KCNN2: variants seen among roughly 807,000 people sequenced by gnomAD.
The protein encoded by KCNN2 is potassium calcium-activated channel subfamily N member 2, also known as small conductance calcium-activated potassium channel protein 2.
Under a neutral mutation model 55.5 loss-of-function variants are expected in KCNN2, and 24 were observed. The observed-to-expected ratio is 0.43, with a 90% CI of 0.31 to 0.61. The LOEUF is 0.61. Ranked by LOEUF, KCNN2 falls within the 20% of genes least tolerant of loss-of-function variation. The pLI is 0.08. For missense variants in KCNN2, 754 were observed against 853.6 expected, an observed-to-expected ratio of 0.88 and a Z score of 1.45; for synonymous variants, 431 against 336.1, an observed-to-expected ratio of 1.28 and a Z score of -3.09.
chr5:114,487,254 A>C (rs1448593415), intron 6 of KCNN2, 77 bp downstream of exon 6: 1 of 1,325,322 alleles, frequency 7.5e-7, no homozygotes, highest in African/African-American at 1.5e-5. Flanking sequence ...TTCTTGTTTC[A>C]TAAGGAAGGA....
chr5:114,217,730 A>G (rs766175415), intron 1 of KCNN2, among the ~76,000 whole-genome samples: 8 of 152,204 alleles, frequency 5.3e-5, no homozygotes, highest in Non-Finnish European at 1.2e-4. Context: ...GGCGTGATCC[A>G]TGAAAGAAAG....
chr5:114,125,749 T>C (rs1358506382), intron 1 of KCNN2, among the ~76,000 whole-genome samples: 1 of 152,168 alleles, frequency 6.6e-6, no homozygotes, highest in Non-Finnish European at 1.5e-5. Context: ...GGCCTCTCTC[T>C]TTGTCTTGTA....
chr5:114,286,021 G>A (rs1755741400), intron 2 of KCNN2, among the ~76,000 whole-genome samples: 6 of 151,652 alleles, frequency 4.0e-5, no homozygotes, highest in Non-Finnish European at 1.5e-5. Context: ...CTGGGTTCAA[G>A]CGATTATCCT....
At chr5:114,160,209 G>A (rs1443524766) in intron 1 of KCNN2, among the ~76,000 whole-genome samples, 1 of 151,986 alleles carries the variant, frequency 6.6e-6, no homozygotes, top group Non-Finnish European at 1.5e-5. Flanking sequence ...TTGTGTCTTT[G>A]TTCTCATTGG....
chr5:114,064,912 C>T (rs1033229259), intron 1 of KCNN2, among the ~76,000 whole-genome samples: 3 of 152,096 alleles, frequency 2.0e-5, no homozygotes, highest in African/African-American at 7.2e-5. Flanking sequence ...TTGTATCATC[C>T]AGAGATCAGA....
At chr5:114,476,729 CATTTAGTGACATCCAA>C (rs1761985736) in intron 5 of KCNN2, among the ~76,000 whole-genome samples, 1 of 152,010 alleles carries the variant, frequency 6.6e-6, no homozygotes, top group South Asian at 2.1e-4. Flanking sequence ...CCGACAGATC[CATTTAGTGACATCCAA>C]GATGTCACTA....
At chr5:114,083,927 T>C (rs2112544376) in intron 1 of KCNN2, among the ~76,000 whole-genome samples, 1 of 152,220 alleles carries the variant, frequency 6.6e-6, no homozygotes, top group East Asian at 1.9e-4. Context: ...GTTGGAATCG[T>C]AGTATGTGGC....
chr5:114,434,474 C>G (rs932292983), intron 3 of KCNN2, among the ~76,000 whole-genome samples: 2 of 152,150 alleles, frequency 1.3e-5, no homozygotes, highest in Non-Finnish European at 2.9e-5. Flanking sequence ...ATATCTGAGT[C>G]AGGTTGATGC....
At chr5:114,232,500 T>TGAGAGAAATAATG (rs1754382621) in intron 2 of KCNN2, among the ~76,000 whole-genome samples, 1 of 151,140 alleles carries the variant, frequency 6.6e-6, no homozygotes, top group Non-Finnish European at 1.5e-5. Flanking sequence ...GCTTATAACT[T>TGAGAGAAATAATG]CCTCTTTACA....
At chr5:114,063,502 C>G (rs1000959473) in intron 1 of KCNN2, among the ~76,000 whole-genome samples, 3 of 152,166 alleles carry the variant, frequency 2.0e-5, no homozygotes, top group Admixed American at 6.5e-5. Flanking sequence ...GAACCACCCC[C>G]CCTCCAAATT....
At chr5:114,365,012 C>A (rs994266703) in intron 2 of KCNN2, among the ~76,000 whole-genome samples, 1 of 151,480 alleles carries the variant, frequency 6.6e-6, no homozygotes, top group South Asian at 2.1e-4. Context: ...AATTTAAAAT[C>A]TTATATAGGA....
intron 2 of KCNN2, among the ~76,000 whole-genome samples, chr5:114,317,370 A>G (rs1756521562): frequency 6.6e-6 from 1 of 151,874 alleles, no homozygotes; most frequent in African/African-American, 2.4e-5. Context: ...AGTTTAGGCA[A>G]CCCCTCACAA....
chr5:114,233,966 A>G (rs1213516939), intron 2 of KCNN2, among the ~76,000 whole-genome samples: 1 of 149,198 alleles, frequency 6.7e-6, no homozygotes, highest in African/African-American at 2.4e-5. Context: ...TTCATTTACC[A>G]TTCCTTAGAA....
intron 1 of KCNN2, among the ~76,000 whole-genome samples, chr5:114,212,226 C>T (rs1753901467): frequency 6.6e-6 from 1 of 151,952 alleles, no homozygotes; most frequent in Non-Finnish European, 1.5e-5. Flanking sequence ...AAATCAGTTA[C>T]TGATTGATAC....
In KCNN2 at chr5:114,362,685, C is replaced by T. The variant is rs996127150; in HGVS notation, c.546C>T (p.Leu182=). ...SLGSLGSGPP[L]SHHHHHPHPA... is the part of the protein sequence containing the mutation. ...GCAGTCTGGGCTCCGGGCCCCCGCTCTCGCACCACCACCACCACCCGCACC... is the reference window on the plus strand; with the variant it reads ...GCAGTCTGGGCTCCGGGCCCCCGCTTTCGCACCACCACCACCACCCGCACC... The change falls in exon 1 of 8, where the codon CTC becomes CTT. Residue 182 remains leucine (L), a synonymous_variant. Transcript: ENST00000673685. The T allele has an allele frequency of 2.1e-6, 3 of 1,454,230 alleles. No individual in the cohort carries two copies. Among genetic ancestry groups the T allele is most frequent in the African/African-American group, 1.4e-5 (1 of 70,162 alleles). 90.1% of individuals were successfully genotyped at this position (1,454,230 alleles called of 1,614,324 possible).
intron 3 of KCNN2, among the ~76,000 whole-genome samples, chr5:114,437,728 T>C (rs1442059332): frequency 6.6e-6 from 1 of 152,192 alleles, no homozygotes; most frequent in Non-Finnish European, 1.5e-5. Flanking sequence ...TGTAGGACTC[T>C]CTGGTGTAAA....
chr5:114,224,478 C>T (rs1754203168), intron 2 of KCNN2, among the ~76,000 whole-genome samples: 1 of 152,146 alleles, frequency 6.6e-6, no homozygotes, highest in Non-Finnish European at 1.5e-5. Context: ...TTTTTAGATT[C>T]TAAATCTTAA....
intron 3 of KCNN2, among the ~76,000 whole-genome samples, chr5:114,449,588 G>A (rs1328151631): frequency 1.3e-5 from 2 of 152,208 alleles, no homozygotes; most frequent in East Asian, 3.9e-4. Context: ...CACTGCTGTG[G>A]GTCATGCAGA....
intron 2 of KCNN2, among the ~76,000 whole-genome samples, chr5:114,399,530 G>T (rs192678628): frequency 6.6e-6 from 1 of 152,090 alleles, no homozygotes; most frequent in Non-Finnish European, 1.5e-5. Context: ...TTGCATCAAC[G>T]TTCATCAAGG....
Sources: gnomAD v4.1 joint callset for allele counts (sites outside exome capture counted in the v4.1 genomes callset) on GRCh38, gnomAD v4.1.1 for gene constraint, MANE v1.5 for transcripts, NCBI Gene and HGNC (gene_info 2026-07-23, HGNC 2026-07-21) for gene names.